PSD3: variants seen among roughly 807,000 people sequenced by gnomAD.
PSD3 encodes pleckstrin and Sec7 domain containing 3.
Under a neutral mutation model 105.5 loss-of-function variants are expected in PSD3, and 49 were observed. The ratio of observed to expected loss-of-function variants is 0.46; its 90% CI spans 0.37 to 0.59. The LOEUF (loss-of-function observed/expected upper bound fraction) is 0.59, where lower values mean the gene tolerates loss of function less well. Among genes scored for constraint, PSD3 ranks in the 20% least tolerant of loss-of-function variants. The pLI is 0.00. For missense variants in PSD3, 1,561 were observed against 1,263.8 expected, an observed-to-expected ratio of 1.24 and a Z score of -3.57; for synonymous variants, 557 against 457.8, an observed-to-expected ratio of 1.22 and a Z score of -2.77.
At chr8:18,585,504 G>C (rs1413060361) in intron 12 of PSD3, among the ~76,000 whole-genome samples, 1 of 152,034 alleles carries the variant, frequency 6.6e-6, no homozygotes, top group Non-Finnish European at 1.5e-5. Flanking sequence ...TTTTTGTAGA[G>C]ATGGGGTTTT....
chr8:18,792,106 C>T (rs562429225), intron 8 of PSD3, among the ~76,000 whole-genome samples: 78 of 152,214 alleles, frequency 5.1e-4, no homozygotes, highest in African/African-American at 1.6e-3. Context: ...AATGCTTTTA[C>T]GCTGTTGGTG....
At chr8:18,775,170 A>G (rs557083752) in intron 8 of PSD3, among the ~76,000 whole-genome samples, 477 of 152,268 alleles carry the variant, frequency 3.1e-3, no homozygotes, top group Non-Finnish European at 5.6e-3. Flanking sequence ...TTCCATCCAC[A>G]TTGCTACCAA....
chr8:18,759,137 T>A (rs1207245519), intron 9 of PSD3, among the ~76,000 whole-genome samples: 1 of 147,356 alleles, frequency 6.8e-6, no homozygotes, highest in Non-Finnish European at 1.5e-5. Context: ...TTAAAACTTT[T>A]GCTCTTCCCT....
intron 2 of PSD3, among the ~76,000 whole-genome samples, chr8:18,909,601 TC>T (rs1436999513): frequency 6.6e-6 from 1 of 152,110 alleles, no homozygotes; most frequent in African/African-American, 2.4e-5. Context: ...TGCCTCAGCT[TC>T]CCAAGTGAGC....
chr8:18,605,736 G>T (rs888384122), intron 11 of PSD3, among the ~76,000 whole-genome samples: 1 of 152,110 alleles, frequency 6.6e-6, no homozygotes, highest in Non-Finnish European at 1.5e-5. Context: ...ATTGGATCAT[G>T]ATTCATCAAT....
intron 12 of PSD3, among the ~76,000 whole-genome samples, chr8:18,580,082 T>C (rs1585293592): frequency 6.6e-6 from 1 of 152,222 alleles, no homozygotes; most frequent in African/African-American, 2.4e-5. Context: ...GAATATCTTT[T>C]TTAAAAAATG....
At chr8:18,652,437 CAG>C (rs2130840488) in intron 10 of PSD3, among the ~76,000 whole-genome samples, 1 of 147,350 alleles carries the variant, frequency 6.8e-6, no homozygotes, top group African/African-American at 2.5e-5. Context: ...CGGGAGAGCA[CAG>C]TGTTATAAAT....
intron 1 of PSD3, chr8:19,084,182 G>T (rs1374395544): frequency 1.9e-5 from 8 of 426,924 alleles, no homozygotes; most frequent in Admixed American, 1.8e-4. Context: ...CTTCTGCTGG[G>T]ATTCAGGACA....
intron 9 of PSD3, among the ~76,000 whole-genome samples, chr8:18,667,982 G>C (rs558681817): frequency 6.6e-6 from 1 of 152,354 alleles, no homozygotes; most frequent in East Asian, 1.9e-4. Context: ...TCCAAGTGTG[G>C]GGCCCGCGGA....
intron 1 of PSD3, among the ~76,000 whole-genome samples, chr8:19,052,834 C>T (rs1480248199): frequency 6.6e-6 from 1 of 151,932 alleles, no homozygotes; most frequent in Non-Finnish European, 1.5e-5. Flanking sequence ...ATCAGGCACA[C>T]TGGGGAGGGA....
intron 11 of PSD3, among the ~76,000 whole-genome samples, chr8:18,623,456 A>AG (rs1806264747): frequency 6.7e-6 from 1 of 149,206 alleles, no homozygotes; most frequent in Non-Finnish European, 1.5e-5. Context: ...CCCAAAAAAA[A>AG]AAAAAAAAAA....
intron 10 of PSD3, among the ~76,000 whole-genome samples, chr8:18,635,266 C>T (rs895864067): frequency 3.3e-5 from 5 of 152,204 alleles, no homozygotes; most frequent in Admixed American, 2.6e-4. Flanking sequence ...ACCACTTCTC[C>T]AAGGAGCCTT....
intron 11 of PSD3, among the ~76,000 whole-genome samples, chr8:18,617,350 G>A: frequency 6.6e-6 from 1 of 152,074 alleles, no homozygotes; most frequent in East Asian, 1.9e-4. Context: ...GACCAACATG[G>A]TGAAACCCCA....
chr8:18,566,549 T>C (rs13278191), intron 14 of PSD3, among the ~76,000 whole-genome samples: 1 of 147,860 alleles, frequency 6.8e-6, no homozygotes, highest in Non-Finnish European at 1.5e-5. Flanking sequence ...AAAAAAAAAT[T>C]CCTTAAAAAC....
chr8:18,590,320 T>A (rs1158546582), intron 12 of PSD3, among the ~76,000 whole-genome samples: 1 of 152,120 alleles, frequency 6.6e-6, no homozygotes, highest in Admixed American at 6.5e-5. Flanking sequence ...GTACTGCGGA[T>A]AGTAAATCAA....
intron 1 of PSD3, among the ~76,000 whole-genome samples, chr8:19,011,825 AT>A (rs1299599466): frequency 1.3e-5 from 2 of 152,200 alleles, no homozygotes; most frequent in Non-Finnish European, 2.9e-5. Flanking sequence ...TAATAAGGTT[AT>A]TTTAGCTTTG....
intron 9 of PSD3, chr8:18,684,005 C>A: frequency 1.4e-6 from 1 of 705,168 alleles, no homozygotes; most frequent in Non-Finnish European, 2.6e-6. Context: ...GGCTCTCACG[C>A]TGGAGGAACT....
chr8:18,776,015 T>C (rs1450230539), intron 8 of PSD3, among the ~76,000 whole-genome samples: 1 of 152,130 alleles, frequency 6.6e-6, no homozygotes, highest in Non-Finnish European at 1.5e-5. Flanking sequence ...GTTGAGGTGA[T>C]TTTTGTAAAT....
chr8:18,579,258 A>C (rs909439320), intron 12 of PSD3, among the ~76,000 whole-genome samples: 1 of 152,146 alleles, frequency 6.6e-6, no homozygotes. Context: ...TAGTGTTTAA[A>C]TGGTAGAATT....
Sources: gnomAD v4.1 joint callset for allele counts (sites outside exome capture counted in the v4.1 genomes callset) on GRCh38, gnomAD v4.1.1 for gene constraint, MANE v1.5 for transcripts, NCBI Gene and HGNC (gene_info 2026-07-23, HGNC 2026-07-21) for gene names.